The following GPR158 variants were observed in gnomAD, a reference collection of about 807,000 sequenced individuals.
GPR158 encodes G protein-coupled receptor 158, also known as metabotropic glycine receptor.
Under a neutral mutation model 78.2 loss-of-function variants are expected in GPR158, and 30 were observed. That is an observed-to-expected ratio of 0.38 (90% CI 0.29 to 0.52). The LOEUF (loss-of-function observed/expected upper bound fraction) is 0.52, where lower values mean the gene tolerates loss of function less well. Ranked by LOEUF, GPR158 falls within the 20% of genes least tolerant of loss-of-function variation. The pLI is 0.83. For missense variants in GPR158, 1,463 were observed against 1,523.5 expected (o/e 0.96, Z 0.66); for synonymous variants, 581 against 591.1 (o/e 0.98, Z 0.25).
intron 4 of GPR158, among the ~76,000 whole-genome samples, chr10:25,417,104 G>A (rs1387610658): frequency 2.6e-5 from 4 of 152,096 alleles, no homozygotes; most frequent in Non-Finnish European, 5.9e-5. Context: ...AATATTCCTG[G>A]CACCAAGTCT....
chr10:25,224,957 T>C (rs1266414469), intron 2 of GPR158, among the ~76,000 whole-genome samples: 1 of 152,122 alleles, frequency 6.6e-6, no homozygotes, highest in Non-Finnish European at 1.5e-5. Context: ...TGTAGAGGTG[T>C]GTGAATACTT....
intron 4 of GPR158, among the ~76,000 whole-genome samples, chr10:25,433,578 CGCGT>C (rs1379844264): frequency 1.0e-3 from 125 of 122,274 alleles, no homozygotes; most frequent in Middle Eastern, 4.5e-3. Flanking sequence ...TGTGCGCGCG[CGCGT>C]GCGCGTGCGC....
chr10:25,224,767 G>T (rs528691112), intron 2 of GPR158, among the ~76,000 whole-genome samples: 3 of 152,116 alleles, frequency 2.0e-5, no homozygotes, highest in Admixed American at 1.3e-4. Flanking sequence ...TTTTGCAGAG[G>T]TTTTCTTTAC....
intron 2 of GPR158, among the ~76,000 whole-genome samples, chr10:25,279,634 T>C (rs1323696034): frequency 6.6e-6 from 1 of 152,178 alleles, no homozygotes; most frequent in Non-Finnish European, 1.5e-5. Context: ...GACTTGAGTT[T>C]ATCTGTTTAG....
At chr10:25,576,914 A>C (rs1837105974) in intron 7 of GPR158, among the ~76,000 whole-genome samples, 1 of 150,972 alleles carries the variant, frequency 6.6e-6, no homozygotes, top group Non-Finnish European at 1.5e-5. Context: ...TTGTCCTATA[A>C]ACTACTGTAA....
intron 2 of GPR158, among the ~76,000 whole-genome samples, chr10:25,260,532 A>G (rs1853955049): frequency 6.6e-6 from 1 of 151,812 alleles, no homozygotes; most frequent in Non-Finnish European, 1.5e-5. Flanking sequence ...CTTTTCTTCC[A>G]AAGAATCCAG....
intron 4 of GPR158, among the ~76,000 whole-genome samples, chr10:25,422,883 T>A (rs1834770810): frequency 8.1e-6 from 1 of 123,602 alleles, no homozygotes; most frequent in Admixed American, 9.6e-5. Flanking sequence ...GTCCCCAAAG[T>A]TCATTGTATC....
chr10:25,402,938 T>C (rs1170461003), intron 3 of GPR158, among the ~76,000 whole-genome samples: 1 of 151,752 alleles, frequency 6.6e-6, no homozygotes, highest in Non-Finnish European at 1.5e-5. Flanking sequence ...AAATATTATA[T>C]ACTCATTCAA....
At chr10:25,329,597 C>CT (rs568147961) in intron 2 of GPR158, among the ~76,000 whole-genome samples, 2,967 of 144,214 alleles carry the variant, frequency 0.021, 38 homozygotes, top group South Asian at 0.054. Context: ...ACTCTTACCT[C>CT]TTTTTTTTTT....
At chr10:25,517,430 G>C (rs1465596334) in intron 5 of GPR158, among the ~76,000 whole-genome samples, 1 of 151,980 alleles carries the variant, frequency 6.6e-6, no homozygotes, top group East Asian at 1.9e-4. Flanking sequence ...TGGTGAGAGA[G>C]GGCATCCCTG....
At chr10:25,403,057 C>A (rs116235215) in intron 3 of GPR158, among the ~76,000 whole-genome samples, 2,615 of 151,796 alleles carry the variant, frequency 0.017, 69 homozygotes, top group African/African-American at 0.051. Context: ...TATATATCAT[C>A]TTTCTAAAAA....
intron 2 of GPR158, among the ~76,000 whole-genome samples, chr10:25,353,347 T>C (rs1855500722): frequency 6.6e-6 from 1 of 152,068 alleles, no homozygotes; most frequent in Non-Finnish European, 1.5e-5. Flanking sequence ...TTGTTGAATC[T>C]CACATAAAAT....
chr10:25,545,070 C>T (rs10218916), intron 5 of GPR158, among the ~76,000 whole-genome samples: 85,698 of 152,034 alleles, frequency 0.56, 25,968 homozygotes, highest in African/African-American at 0.79. Context: ...TATTCCGTGG[C>T]GTATATGTGC....
chr10:25,515,188 T>C (rs1199121973), intron 5 of GPR158, among the ~76,000 whole-genome samples: 1 of 151,928 alleles, frequency 6.6e-6, no homozygotes, highest in African/African-American at 2.4e-5. Flanking sequence ...TTGGAGGCTT[T>C]GTTCATTTTT....
At chr10:25,231,952 T>C (rs534455290) in intron 2 of GPR158, among the ~76,000 whole-genome samples, 12 of 152,172 alleles carry the variant, frequency 7.9e-5, no homozygotes, top group Non-Finnish European at 1.2e-4. Context: ...CTGCAGCATA[T>C]GCAGGGCAGG....
chr10:25,570,497 A>G (rs180699102), intron 6 of GPR158, among the ~76,000 whole-genome samples: 89 of 152,288 alleles, frequency 5.8e-4, no homozygotes, highest in African/African-American at 1.6e-3. Flanking sequence ...CTGAGTGTCG[A>G]ATTTTTCTAG....
intron 5 of GPR158, among the ~76,000 whole-genome samples, chr10:25,472,092 T>C (rs1218889008): frequency 2.0e-5 from 3 of 152,202 alleles, no homozygotes; most frequent in Non-Finnish European, 4.4e-5. Flanking sequence ...TTTTATGGTT[T>C]TAGGTCTAAC....
chr10:25,553,865 G>T (rs1836755526), intron 6 of GPR158, among the ~76,000 whole-genome samples: 1 of 152,118 alleles, frequency 6.6e-6, no homozygotes, highest in Non-Finnish European at 1.5e-5. Context: ...TAACATCTGA[G>T]AATTAGTTTT....
At chr10:25,512,967 A>G (rs1443567873) in intron 5 of GPR158, among the ~76,000 whole-genome samples, 1 of 152,106 alleles carries the variant, frequency 6.6e-6, no homozygotes, top group South Asian at 2.1e-4. Flanking sequence ...ATCTGTGTTC[A>G]TCAGGGATAT....
Sources: allele counts gnomAD v4.1 joint callset (sites outside exome capture counted in the v4.1 genomes callset), GRCh38; gene constraint gnomAD v4.1.1; transcripts MANE v1.5; gene names NCBI Gene and HGNC (gene_info 2026-07-23, HGNC 2026-07-21).